Variants in TTC17 observed in about 807,000 individuals in gnomAD.
TTC17 encodes the protein tetratricopeptide repeat protein 17.
TTC17 carries 58 observed loss-of-function variants against 143.8 expected under a neutral mutation model. The observed-to-expected ratio is 0.40, with a 90% CI of 0.33 to 0.50. TTC17 has a LOEUF of 0.50. Among genes scored for constraint, TTC17 ranks in the 20% least tolerant of loss-of-function variants. The pLI is 0.49. For synonymous variants in TTC17, 501 were observed against 497.8 expected (o/e 1.01, Z -0.09); for missense variants, 1,273 against 1,392.5 (o/e 0.91, Z 1.37).
intron 5 of TTC17, among the ~76,000 whole-genome samples, chr11:43,392,322 A>G (rs1486707291): frequency 6.6e-6 from 1 of 152,206 alleles, no homozygotes; most frequent in Non-Finnish European, 1.5e-5. Flanking sequence ...CTGAGACAGA[A>G]AAAGAATCAC....
At chr11:43,458,113 T>C (rs1346840986) in intron 21 of TTC17, among the ~76,000 whole-genome samples, 4 of 152,210 alleles carry the variant, frequency 2.6e-5, no homozygotes, top group Admixed American at 2.0e-4. Context: ...CAGCCACTTA[T>C]TTGTTTGTAA....
intron 16 of TTC17, among the ~76,000 whole-genome samples, chr11:43,418,086 C>T (rs1476925475): frequency 1.3e-5 from 2 of 152,180 alleles, no homozygotes; most frequent in Non-Finnish European, 1.5e-5. Flanking sequence ...CTTAAAAATA[C>T]ACAATCACTA....
chr11:43,425,317 C>G (rs1947000419), intron 16 of TTC17, among the ~76,000 whole-genome samples: 3 of 151,720 alleles, frequency 2.0e-5, no homozygotes, highest in South Asian at 2.1e-4. Context: ...GGACACCTGT[C>G]TCTTGAAAAA....
In TTC17 at chr11:43,387,494, G is replaced by A. The variant is rs1167397327; in HGVS notation, c.250-2158G>A. ...AGGGAATAATTGGAAACAGATCATA[G>A]GCTCTGTCCCCATTAATAATAACCC... On this transcript the variant is annotated intron_variant, in intron 2 of 23. Coordinates refer to ENST00000039989, the MANE Select transcript of TTC17 (RefSeq NM_018259.6). Among the ~76,000 whole-genome samples, 4 of 151,782 alleles carry A rather than the reference G, an allele frequency of 2.6e-5. No individual in the cohort carries two copies. The South Asian group carries it at 8.3e-4, about 32-fold the overall frequency.
chr11:43,440,859 A>G (rs757778783), intron 16 of TTC17, among the ~76,000 whole-genome samples: 2 of 152,126 alleles, frequency 1.3e-5, no homozygotes, highest in Non-Finnish European at 1.5e-5. Flanking sequence ...CCCTGTATAC[A>G]TTCTTTATTC....
intron 21 of TTC17, among the ~76,000 whole-genome samples, chr11:43,473,662 G>A (rs1948130720): frequency 6.6e-6 from 1 of 152,098 alleles, no homozygotes; most frequent in South Asian, 2.1e-4. Context: ...ATCACTTGAG[G>A]TCAGGAGTTC....
chr11:43,391,381 A>C (rs894751771), intron 3 of TTC17, 84 bp from the exon 4 acceptor site: 1 of 928,010 alleles, frequency 1.1e-6, no homozygotes, highest in Non-Finnish European at 1.7e-6. Flanking sequence ...CCTGGGCAAC[A>C]GAATGAGACC....
chr11:43,470,818 G>A (rs1263167863), intron 21 of TTC17, among the ~76,000 whole-genome samples: 1 of 152,152 alleles, frequency 6.6e-6, no homozygotes, highest in Non-Finnish European at 1.5e-5. Flanking sequence ...GTTCCCAGGT[G>A]ATACTGGGTG....
chr11:43,460,245 TTC>T (rs906660349), intron 21 of TTC17, among the ~76,000 whole-genome samples: 10 of 152,186 alleles, frequency 6.6e-5, no homozygotes, highest in Non-Finnish European at 5.9e-5. Context: ...TGTTTAGTTC[TTC>T]TCTCTTTTAA....
At chr11:43,421,243 AT>A (rs1565157351) in intron 16 of TTC17, among the ~76,000 whole-genome samples, 1 of 152,190 alleles carries the variant, frequency 6.6e-6, no homozygotes, top group African/African-American at 2.4e-5. Context: ...CCATGCAGAT[AT>A]ACAGCATAAA....
chr11:43,454,268 A>G (rs2004933), intron 21 of TTC17, among the ~76,000 whole-genome samples: 87,573 of 151,940 alleles, frequency 0.58, 26,372 homozygotes, highest in African/African-American at 0.73. Context: ...CATACTGTTC[A>G]TAGTAGGGGA....
rs776753535 is a variant in TTC17 at position 43,391,839 on chromosome 11, A to T, written c.550A>T (p.Asn184Tyr). Residue 184 changes from asparagine to tyrosine, a missense_variant, in exon 5 of 24, where the codon AAT becomes TAT. Transcript: ENST00000039989. The part of the protein sequence containing the change: ...QHLRGVQERV[N>Y]LSAPLLPKED... ...TCTTCAGGGTGTACAGGAGAGAGTT[A>T]ATCTTTCTGCACCTCTGCTACCTAA... 1.9e-6 allele frequency: 3 copies of T among 1,613,424 alleles called. No individual in the cohort carries two copies. The Admixed American group carries it at 5.0e-5, about 27-fold the overall frequency.
In TTC17 at chr11:43,466,366, C is replaced by A. The variant is rs114665336; in HGVS notation, c.3030+15101C>A. ...CAGCTGGCTTTGCAGACACTGCTGT[C>A]CCCCAACACCCCCTGTCACTAGGCC... On this transcript the variant is annotated intron_variant, in intron 21 of 23. Coordinates refer to ENST00000039989, the MANE Select transcript of TTC17 (RefSeq NM_018259.6). The A allele has an allele frequency of 8.4e-3, 1,308 of 155,246 alleles. 21 individuals are homozygous for A. Among genetic ancestry groups the A allele is most frequent in the African/African-American group, 0.03 (1,227 of 41,570 alleles). The allele number at this position is 155,246 out of a possible 1,614,324, so 9.6% of individuals were successfully genotyped here.
At chr11:43,493,621 A>G in intron 23 of TTC17, 152 bp from the exon 24 acceptor site, 1 of 1,137,664 alleles carries the variant, frequency 8.8e-7, no homozygotes, top group Non-Finnish European at 1.2e-6. Flanking sequence ...TCCCAGAGGA[A>G]CCTCAGAGTT....
Position 43,460,575 on chromosome 11 carries a change from C to G in TTC17, c.3030+9310C>G, listed in dbSNP as rs144301408. Among the ~76,000 whole-genome samples, 54 of 152,298 alleles carry G rather than the reference C, an allele frequency of 3.5e-4. 1 individual carries two copies. Among genetic ancestry groups the G allele is most frequent in the African/African-American group, 1.1e-3 (45 of 41,584 alleles). ...AAATACCAAATACTATTTCAGTTAT[C>G]TTTTTCTGCCTAACAAATCACCCCA... On this transcript the variant is annotated intron_variant, in intron 21 of 23. Transcript: ENST00000039989.
chr11:43,384,946 A>G (rs1857116219), intron 2 of TTC17, among the ~76,000 whole-genome samples: 1 of 152,216 alleles, frequency 6.6e-6, no homozygotes, highest in South Asian at 2.1e-4. Context: ...ATAAGAGCCT[A>G]AAATAATTAA....
chr11:43,430,709 G>GCGCACGCACA (rs1554994150), intron 16 of TTC17, among the ~76,000 whole-genome samples: 2 of 138,542 alleles, frequency 1.4e-5, no homozygotes, highest in African/African-American at 5.5e-5. Flanking sequence ...CTACATACAC[G>GCGCACGCACA]CACACACACA....
chr11:43,398,245 C>T, intron 8 of TTC17, 132 bp downstream of exon 8: 2 of 1,145,822 alleles, frequency 1.7e-6, no homozygotes, highest in Non-Finnish European at 2.4e-6. Context: ...CAAGTCCTAT[C>T]CTTTTTCTGT....
chr11:43,420,610 G>A (rs571805009), intron 16 of TTC17, among the ~76,000 whole-genome samples: 1 of 151,926 alleles, frequency 6.6e-6, no homozygotes. Flanking sequence ...TTTTCTTTTG[G>A]GATTTCCAGC....
Sources: gnomAD v4.1 joint callset for allele counts (sites outside exome capture counted in the v4.1 genomes callset) on GRCh38, gnomAD v4.1.1 for gene constraint, MANE v1.5 for transcripts, NCBI Gene and HGNC (gene_info 2026-07-23, HGNC 2026-07-21) for gene names.